The following TTN variants were observed in gnomAD, a reference collection of about 807,000 sequenced individuals.
TTN encodes the protein titin.
Under a neutral mutation model 3,223.0 loss-of-function variants are expected in TTN, and 1,525 were observed. The observed-to-expected ratio is 0.47, with a 90% CI of 0.45 to 0.49. TTN has a LOEUF of 0.49. Ranked by LOEUF, TTN falls within the 20% of genes least tolerant of loss-of-function variation. TTN has a pLI of 0.00. For synonymous variants in TTN, 14,094 were observed against 15,161.0 expected, an observed-to-expected ratio of 0.93 and a Z score of 5.17; for missense variants, 40,786 against 43,424.0, an observed-to-expected ratio of 0.94 and a Z score of 5.40.
chr2:178,639,679 G>T lies in TTN; in HGVS notation c.40876+20C>A, dbSNP rs1216202400. On this transcript the variant is annotated intron_variant, in intron 223 of 362. Transcript: ENST00000589042. ...AGTCACCAAAACAAACTAGCAAAAAGAAAGCTACAGGATAAATACCTGCTT... is the reference window on the plus strand; with the variant it reads ...AGTCACCAAAACAAACTAGCAAAAATAAAGCTACAGGATAAATACCTGCTT... 2 of 1,609,796 alleles carry T rather than the reference G, an allele frequency of 1.2e-6. No homozygotes were observed. Among genetic ancestry groups the T allele is most frequent in the Non-Finnish European group, 1.7e-6 (2 of 1,177,378 alleles).
In TTN at chr2:178,784,104, T is replaced by C; in HGVS notation, c.2741A>G (p.Glu914Gly). 6.2e-7 allele frequency: 1 copy of C among 1,613,924 alleles called. No homozygotes were observed. The highest frequency in any genetic ancestry group is 8.5e-7 in the Non-Finnish European group (1 of 1,179,980). ...VSITGTTVRE[E>G]RFEVLHGREA... ...GCGTCCGTGCAGTACTTCAAAGCGC[T>C]CTTCACGGACGGTGGTGCCAGTGAT... is the stretch of plus-strand genomic sequence containing the variant. The change falls in exon 16 of 363, where the codon GAG (glutamate) becomes GGG (glycine). Residue 914 changes from glutamate to glycine, a missense_variant. Coordinates refer to ENST00000589042, the MANE Select transcript of TTN (RefSeq NM_001267550.2).
chr2:178,614,207 A>C lies in TTN; in HGVS notation c.49190T>G (p.Val16397Gly), dbSNP rs761480322. ...GACGGTGGATGAGAGCTTGTGCCACACTTCACTATCAGTTGCTCGTCTCTC... is the reference window on the plus strand; with the variant it reads ...GACGGTGGATGAGAGCTTGTGCCACCCTTCACTATCAGTTGCTCGTCTCTC... ...VVERRATDSEVWHKLSSTVKD... is the reference protein window; with the variant it reads ...VVERRATDSEGWHKLSSTVKD... Residue 16397 changes from valine to glycine, a missense_variant, in exon 262 of 363, where the codon GTG becomes GGG. Physicochemically the swap from Val to Gly is moderately radical, Grantham distance 109. Transcript: ENST00000589042. The C allele has an allele frequency of 2.5e-6, 4 of 1,612,520 alleles. No individual in the cohort carries two copies. The highest frequency in any genetic ancestry group is 3.4e-6 in the Non-Finnish European group (4 of 1,179,236).
chr2:178,548,455 C>T lies in TTN; in HGVS notation c.93171G>A (p.Glu31057=). The change falls in exon 339 of 363, where the codon GAG becomes GAA. Residue 31057 remains glutamate (E), a synonymous_variant. Transcript: ENST00000589042. This position sits in a 1 kb window ranked among gnomAD's most constrained non-coding sequence, Gnocchi z 4.3. Reference sequence around the variant, plus strand: ...TAACCTGCCAACTACGGCGACTTGCCTCTCGTTTCTCTACCACATAATGAT... The same window carrying T: ...TAACCTGCCAACTACGGCGACTTGCTTCTCGTTTCTCTACCACATAATGAT... ...RIHHYVVEKR[E]ASRRSWQVIS... 1.9e-6 allele frequency: 3 copies of T among 1,613,856 alleles called. No homozygotes were observed. Among genetic ancestry groups the T allele is most frequent in the Non-Finnish European group, 2.5e-6 (3 of 1,179,804 alleles).
Position 178,549,014 on chromosome 2 carries a change from A to G in TTN, c.92612T>C (p.Val30871Ala), listed in dbSNP as rs756610221. Reference protein sequence around the residue: ...CKADLGDWHKVNAEACVKTRY... With the variant: ...CKADLGDWHKANAEACVKTRY... ...TGTTTTCACACATGCCTCTGCATTC[A>G]CCTTGTGCCAGTCTCCTAAGTCGGC... Residue 30871 changes from valine (V) to alanine (A), a missense_variant, in exon 339 of 363, where the codon GTG becomes GCG. Physicochemically the swap from Val to Ala is moderately conservative, Grantham distance 64. Transcript: ENST00000589042. 13 of 1,613,840 alleles carry G rather than the reference A, an allele frequency of 8.1e-6. No homozygotes were observed. The Admixed American group carries it at 2.2e-4, about 27-fold the overall frequency.
At chr2:178,681,229 T>C (rs960863160) in intron 137 of TTN, 58 bp from the exon 138 acceptor site, 2 of 1,484,938 alleles carry the variant, frequency 1.3e-6, no homozygotes, top group African/African-American at 1.4e-5. Context: ...TACTATGTAA[T>C]AAATACACAT....
chr2:178,725,905 T>G lies in TTN; in HGVS notation c.20417A>C (p.Lys6806Thr). The G allele has an allele frequency of 6.2e-7, 1 of 1,613,146 alleles. No homozygotes were observed. The highest frequency in any genetic ancestry group is 1.7e-4 in the Middle Eastern group (1 of 6,054). ...GAAGTTTTTGGATGCAATCTTGTAT[T>G]TCTTGCTGCTTCTGAGTTGCCGCTT... ...KDKRQLRSSK[K>T]YKIASKNFHT... Residue 6806 changes from lysine to threonine, a missense_variant, in exon 70 of 363, where the codon AAA becomes ACA. Lys to Thr is a moderately conservative substitution (Grantham distance 78). Coordinates refer to ENST00000589042, the MANE Select transcript of TTN (RefSeq NM_001267550.2).
In TTN at chr2:178,576,126, C is replaced by T. The variant is rs781015638; in HGVS notation, c.70006G>A (p.Val23336Ile). ...AAATCAGGAGCCATCTCCCGTTCTA[C>T]GATTTCAACATCTGGAATCACCGCT... ...EPAVIPDVEIVEREMAPDFEL... is the reference protein window; with the variant it reads ...EPAVIPDVEIIEREMAPDFEL... The change falls in exon 326 of 363, where the codon GTA (valine) becomes ATA (isoleucine). Residue 23336 changes from valine (V) to isoleucine (I), a missense_variant. Coordinates refer to ENST00000589042, the MANE Select transcript of TTN (RefSeq NM_001267550.2). This position sits in a 1 kb window ranked among gnomAD's most constrained non-coding sequence, Gnocchi z 4.3. The T allele has an allele frequency of 1.1e-5, 17 of 1,613,326 alleles. No individual in the cohort carries two copies. The highest frequency in any genetic ancestry group is 5.3e-5 in the African/African-American group (4 of 74,884).
In TTN at chr2:178,613,249, T is replaced by A. The variant is rs779658426; in HGVS notation, c.49560A>T (p.Lys16520Asn). 33 of 1,610,728 alleles carry A rather than the reference T, an allele frequency of 2.0e-5. No individual in the cohort carries two copies. In the Admixed American group the frequency reaches 2.3e-4, roughly 11 times the overall value. The part of the protein sequence containing the change: ...YRVKGLTNKK[K>N]YRFRVLAENL... ...TTTCAGCCAACACACGGAATCTGTA[T>A]TTTTTCTTATTAGTGAGACCTTTCA... Residue 16520 changes from lysine (K) to asparagine (N), a missense_variant, in exon 264 of 363, where the codon AAA becomes AAT. Coordinates refer to ENST00000589042, the MANE Select transcript of TTN (RefSeq NM_001267550.2).
intron 6 of TTN, chr2:178,799,232 A>T: frequency 2.0e-6 from 1 of 496,326 alleles, no homozygotes; most frequent in Non-Finnish European, 3.6e-6. Context: ...CTGACCTGCC[A>T]CGCCCACACC....
chr2:178,681,298 A>G, intron 137 of TTN, 78 bp downstream of exon 137: 1 of 1,472,648 alleles, frequency 6.8e-7, no homozygotes, highest in Non-Finnish European at 9.4e-7. Context: ...AACACAGACC[A>G]TCAGACGGGC....
chr2:178,535,845 T>A lies in TTN; in HGVS notation c.100770A>T (p.Pro33590=). 6.5e-7 allele frequency: 1 copy of A among 1,546,038 alleles called. No homozygotes were observed. The change falls in exon 358 of 363, where the codon CCA becomes CCT. Residue 33590 remains proline, a synonymous_variant. Transcript: ENST00000589042. ...GAGTTTTAGGTAAGTGTATCTTAGC[T>A]GGAACTGTATCAGAAAAAAAAAAAA... The part of the protein sequence containing the change: ...SGTASLEVEV[P]AKIHLPKTLE...
chr2:178,619,291 G>A, intron 250 of TTN: 1 of 397,254 alleles, frequency 2.5e-6, no homozygotes, highest in South Asian at 3.0e-5. Context: ...TACCTAAAAG[G>A]CACACAGGGG....
At chr2:178,637,938 C>G (rs2154234356) in intron 223 of TTN, among the ~76,000 whole-genome samples, 1 of 152,022 alleles carries the variant, frequency 6.6e-6, no homozygotes, top group African/African-American at 2.4e-5. Flanking sequence ...TTGAAGATTT[C>G]CTTTAGACAA....
In TTN at chr2:178,739,883, A is replaced by T; in HGVS notation, c.13350T>A (p.Ser4450=). 1 of 1,613,900 alleles carries T rather than the reference A, an allele frequency of 6.2e-7. No homozygotes were observed. The highest frequency in any genetic ancestry group is 8.5e-7 in the Non-Finnish European group (1 of 1,179,826). Residue 4450 remains serine, a synonymous_variant, in exon 48 of 363, where the codon TCT becomes TCA. Transcript: ENST00000589042. ...TAATGATGGTTACTTCTTCTGTTAC[A>T]GACTTTGCCGAAGTAACAAGGTACA... ...MCMYLVTSAK[S]VTEEVTIIIE...
intron 47 of TTN, chr2:178,746,457 CA>C: frequency 6.2e-7 from 1 of 1,611,898 alleles, no homozygotes; most frequent in Non-Finnish European, 8.5e-7. Flanking sequence ...TCACTTAATT[CA>C]ACTTCCAGGA....
rs1403129479 is a variant in TTN, at chr2:178,580,087, G to A, written c.67200C>T (p.Ser22400=). The change falls in exon 318 of 363, where the codon TCC becomes TCT. Residue 22400 remains serine, a synonymous_variant. Coordinates refer to ENST00000589042, the MANE Select transcript of TTN (RefSeq NM_001267550.2). ...AGCACTCAGTTGTCACTGTAGACCA[G>A]GATTTCCTCTCTGCATCACGTTTTT... ...VVQKRDAERK[S]WSTVTTECSK... 5.0e-6 allele frequency: 8 copies of A among 1,613,228 alleles called. No individual in the cohort carries two copies. The highest frequency in any genetic ancestry group is 6.8e-6 in the Non-Finnish European group (8 of 1,179,498).
rs1174830930 is a variant in TTN, at chr2:178,728,631, G to T, written c.19295C>A (p.Ser6432Ter). Residue 6432 changes from serine (S) to a stop codon, truncating the protein, a stop_gained, in exon 66 of 363, where the codon TCA becomes TAA. Transcript: ENST00000589042. LOFTEE classifies it high-confidence loss of function. ...GKQIVPSRYF[S>*]MSFENNVASF... ...GGCCACGTTATTTTCAAAACTCATT[G>T]AAAAGTATCTACTGGGAACTATTTG... 1 of 1,613,258 alleles carries T rather than the reference G, an allele frequency of 6.2e-7. No individual in the cohort carries two copies. The highest frequency in any genetic ancestry group is 1.7e-5 in the Admixed American group (1 of 59,936).
Position 178,620,107 on chromosome 2 carries a change from T to G in TTN, c.46310A>C (p.Lys15437Thr), listed in dbSNP as rs552087956. 1 of 1,609,004 alleles carries G rather than the reference T, an allele frequency of 6.2e-7. No individual in the cohort carries two copies. The highest frequency in any genetic ancestry group is 1.3e-5 in the African/African-American group (1 of 74,776). Residue 15437 changes from lysine to threonine, a missense_variant, in exon 249 of 363, where the codon AAA becomes ACA. Lys to Thr is a moderately conservative substitution (Grantham distance 78). Transcript: ENST00000589042. The part of the protein sequence containing the change: ...GREIKEGKKY[K>T]FEKDGSIHRL... ...GTGTATACTTCCATCTTTTTCAAAT[T>G]TGTATCTAAAGGAGACATTGGATTA...
At chr2:178,640,498 T>C (rs766399490) in intron 221 of TTN, 43 bp downstream of exon 221, 6 of 1,514,494 alleles carry the variant, frequency 4.0e-6, no homozygotes, top group Non-Finnish European at 4.6e-6. Context: ...ATGATACATA[T>C]TTGCATTTTT....
Sources: allele counts gnomAD v4.1 joint callset (sites outside exome capture counted in the v4.1 genomes callset), GRCh38; gene constraint gnomAD v4.1.1; non-coding constraint Gnocchi (gnomAD v3.1); transcripts MANE v1.5; gene names NCBI Gene and HGNC (gene_info 2026-07-23, HGNC 2026-07-21).